The following CEP192 variants were observed in gnomAD, a reference collection of about 807,000 sequenced individuals.
CEP192 encodes the protein centrosomal protein of 192 kDa.
Under a neutral mutation model 271.8 loss-of-function variants are expected in CEP192, and 151 were observed. The ratio of observed to expected loss-of-function variants is 0.56; its 90% CI spans 0.49 to 0.64. The LOEUF is 0.64. CEP192 is among the 30% of genes least tolerant of loss of function. The pLI is 0.00. For missense variants in CEP192, 2,910 were observed against 3,020.5 expected (o/e 0.96, Z 0.86); for synonymous variants, 995 against 1,076.5 (o/e 0.92, Z 1.48).
chr18:13,031,237 A>ATTG (rs1483312336), intron 11 of CEP192, among the ~76,000 whole-genome samples: 3 of 123,188 alleles, frequency 2.4e-5, no homozygotes, highest in South Asian at 2.6e-4. Context: ...GCCTGGCCTT[A>ATTG]TTGTTGTTTT....
intron 30 of CEP192, among the ~76,000 whole-genome samples, chr18:13,079,723 C>G (rs963948127): frequency 6.6e-6 from 1 of 152,156 alleles, no homozygotes; most frequent in Non-Finnish European, 1.5e-5. Flanking sequence ...TACCTATGTC[C>G]TAAATGGTAT....
chr18:13,018,826 T>C (rs1350996633), intron 8 of CEP192, among the ~76,000 whole-genome samples: 1 of 152,228 alleles, frequency 6.6e-6, no homozygotes, highest in Non-Finnish European at 1.5e-5. Flanking sequence ...ATTTCTTGGA[T>C]TGAATATTAC....
rs1474889216 is a variant in CEP192 at position 13,068,130 on chromosome 18, G to A, written c.4651G>A (p.Glu1551Lys). 1.9e-6 allele frequency: 3 copies of A among 1,614,168 alleles called. No homozygotes were observed. Among genetic ancestry groups the A allele is most frequent in the Non-Finnish European group, 2.5e-6 (3 of 1,180,014 alleles). The change falls in exon 23 of 45, where the codon GAA becomes AAA. Residue 1551 changes from glutamate to lysine, a missense_variant. Glu to Lys is a moderately conservative substitution (Grantham distance 56). Transcript: ENST00000506447. ...VAWRCFTFSK[E>K]SVRAPVEVAP... ...CTGGCGCTGTTTCACGTTTTCCAAG[G>A]AATCCGTCCGAGCTCCTGTGGAAGT...
chr18:13,054,606 C>T (rs1057106615), intron 18 of CEP192, among the ~76,000 whole-genome samples: 2 of 152,206 alleles, frequency 1.3e-5, no homozygotes, highest in African/African-American at 4.8e-5. Context: ...ATTACTAAAC[C>T]TCCCTCAACC....
chr18:13,042,907 C>G (rs1022954134), intron 15 of CEP192, among the ~76,000 whole-genome samples: 2 of 152,168 alleles, frequency 1.3e-5, no homozygotes, highest in Non-Finnish European at 2.9e-5. Flanking sequence ...CCATGAACAG[C>G]CTAGTACCTG....
chr18:13,100,407 T>C lies in CEP192; in HGVS notation c.6766T>C (p.Ser2256Pro). The C allele has an allele frequency of 1.2e-6, 2 of 1,614,026 alleles. No homozygotes were observed. Among genetic ancestry groups the C allele is most frequent in the South Asian group, 2.2e-5 (2 of 91,078 alleles). The change falls in exon 38 of 45, where the codon TCA (serine) becomes CCA (proline). Residue 2256 changes from serine to proline, a missense_variant. Transcript: ENST00000506447. ...FGILSPVSEP[S>P]VSHLVKPMTK... ...AATTCTTTCCCCAGTATCTGAGCCTTCAGTTAGTCATTTGGTCAAACCAAT... is the reference window on the plus strand; with the variant it reads ...AATTCTTTCCCCAGTATCTGAGCCTCCAGTTAGTCATTTGGTCAAACCAAT...
chr18:12,993,934 C>G (rs1282940062), intron 1 of CEP192, among the ~76,000 whole-genome samples: 1 of 152,164 alleles, frequency 6.6e-6, no homozygotes, highest in Non-Finnish European at 1.5e-5. Context: ...AGTTCTCTGT[C>G]AGGTATTGGG....
At chr18:13,088,897 A>G (rs2144715145) in intron 32 of CEP192, 1 of 446,718 alleles carries the variant, frequency 2.2e-6, no homozygotes, top group Non-Finnish European at 4.5e-6. Context: ...GAGAAATCAC[A>G]TTATGAGGTA....
At chr18:13,003,911 C>A (rs2033817328) in intron 3 of CEP192, among the ~76,000 whole-genome samples, 1 of 152,050 alleles carries the variant, frequency 6.6e-6, no homozygotes, top group South Asian at 2.1e-4. Context: ...AGCGAACAGG[C>A]GTGGTCCTCA....
At chr18:13,010,174 A>G (rs1021476601) in intron 4 of CEP192, among the ~76,000 whole-genome samples, 2 of 152,098 alleles carry the variant, frequency 1.3e-5, no homozygotes, top group Non-Finnish European at 2.9e-5. Context: ...AATATAGGGA[A>G]AGTTGTTTAA....
chr18:13,088,335 C>T (rs1417081314), intron 32 of CEP192, among the ~76,000 whole-genome samples: 1 of 151,892 alleles, frequency 6.6e-6, no homozygotes, highest in Non-Finnish European at 1.5e-5. Context: ...CTGTAGTCCT[C>T]ACTACTTTGG....
chr18:13,066,182 G>A (rs1232339457), intron 21 of CEP192, among the ~76,000 whole-genome samples: 1 of 152,048 alleles, frequency 6.6e-6, no homozygotes, highest in African/African-American at 2.4e-5. Flanking sequence ...TTTGACTAAT[G>A]TTTTAGTTCT....
chr18:13,089,932 C>T (rs1941985978), intron 33 of CEP192, among the ~76,000 whole-genome samples: 1 of 152,122 alleles, frequency 6.6e-6, no homozygotes, highest in Non-Finnish European at 1.5e-5. Flanking sequence ...AAATTAATTG[C>T]TACTTAGATT....
intron 33 of CEP192, among the ~76,000 whole-genome samples, chr18:13,090,963 G>A (rs969084200): frequency 1.4e-4 from 22 of 152,202 alleles, no homozygotes; most frequent in African/African-American, 4.3e-4. Flanking sequence ...ATCCTGAGAG[G>A]ACAAGATGCC....
Position 13,100,462 on chromosome 18 carries a change from T to C in CEP192, c.6821T>C (p.Ile2274Thr). 6.2e-7 allele frequency: 1 copy of C among 1,614,056 alleles called. No individual in the cohort carries two copies. Among genetic ancestry groups the C allele is most frequent in the Non-Finnish European group, 8.5e-7 (1 of 1,179,988 alleles). ...MTKPPSTKVE[I>T]RNKSITFPTT... is the part of the protein sequence containing the mutation. ...AAACCGCCTTCCACAAAAGTTGAAA[T>C]AAGAAACAAGAGTATTACTTTTCCT... Residue 2274 changes from isoleucine to threonine, a missense_variant, in exon 38 of 45, where the codon ATA (isoleucine) becomes ACA (threonine). By Grantham distance (89) the Ile-to-Thr change is moderately conservative. Transcript: ENST00000506447.
chr18:13,117,291 C>T (rs61567728), intron 43 of CEP192, among the ~76,000 whole-genome samples: 2,835 of 152,228 alleles, frequency 0.019, 80 homozygotes, highest in African/African-American at 0.064. Flanking sequence ...TAACCCTTTA[C>T]TTGAAAATCA....
Position 13,096,209 on chromosome 18 carries a change from C to T in CEP192, c.6459C>T (p.Phe2153=). ...GTGACATGGCAAAAACTGGACGTTTCCAGATTGTGAATAACTCTGTGAGGT... is the reference window on the plus strand; with the variant it reads ...GTGACATGGCAAAAACTGGACGTTTTCAGATTGTGAATAACTCTGTGAGGT... ...SPCDMAKTGR[F]QIVNNSVRLL... The change falls in exon 36 of 45, where the codon TTC becomes TTT. Residue 2153 remains phenylalanine (F), a synonymous_variant. Coordinates refer to ENST00000506447, the MANE Select transcript of CEP192 (RefSeq NM_032142.4). 6.2e-7 allele frequency: 1 copy of T among 1,614,014 alleles called. No homozygotes were observed.
At chr18:13,082,427 C>T (rs2038661713) in intron 30 of CEP192, among the ~76,000 whole-genome samples, 1 of 146,432 alleles carries the variant, frequency 6.8e-6, no homozygotes, top group African/African-American at 2.6e-5. Flanking sequence ...GGATTGCAAC[C>T]CCTGCTTTTT....
intron 4 of CEP192, 50 bp downstream of exon 4, chr18:13,008,681 T>A: frequency 7.1e-7 from 1 of 1,403,116 alleles, no homozygotes; most frequent in Non-Finnish European, 9.6e-7. Context: ...TTAATTTCCT[T>A]TTTCATTTCC....
Sources: allele counts gnomAD v4.1 joint callset (sites outside exome capture counted in the v4.1 genomes callset), GRCh38; gene constraint gnomAD v4.1.1; transcripts MANE v1.5; gene names NCBI Gene and HGNC (gene_info 2026-07-23, HGNC 2026-07-21).